PCDHA1: variants seen among roughly 807,000 people sequenced by gnomAD.
PCDHA1 encodes the protein protocadherin alpha-1.
A neutral mutation model predicts 61.3 loss-of-function variants in PCDHA1; 42 were observed. The ratio of observed to expected loss-of-function variants is 0.69; its 90% CI spans 0.54 to 0.89. The LOEUF is 0.89. PCDHA1 is among the 40% of genes least tolerant of loss of function. PCDHA1 has a pLI of 0.00. For synonymous variants in PCDHA1, 610 were observed against 553.8 expected (o/e 1.10, Z -1.43); for missense variants, 1,256 against 1,235.3 (o/e 1.02, Z -0.25).
At chr5:140,879,047 A>G (rs931436432) in intron 1 of PCDHA1, among the ~76,000 whole-genome samples, 1 of 152,238 alleles carries the variant, frequency 6.6e-6, no homozygotes, top group African/African-American at 2.4e-5. Flanking sequence ...AAAGATAGAC[A>G]ACATTTTACC....
chr5:140,921,151 ATTT>A (rs11299094), intron 1 of PCDHA1, among the ~76,000 whole-genome samples: 3 of 151,512 alleles, frequency 2.0e-5, no homozygotes, highest in South Asian at 2.1e-4. Context: ...CAGCTAATGC[ATTT>A]TTTTTTTAAC....
At chr5:140,868,907 A>T in intron 1 of PCDHA1, 1 of 869,128 alleles carries the variant, frequency 1.2e-6, no homozygotes, top group Non-Finnish European at 1.7e-6. Flanking sequence ...GTCGCTCTTT[A>T]CTTGGTGGAA....
intron 1 of PCDHA1, among the ~76,000 whole-genome samples, chr5:140,798,240 C>A (rs1762307159): frequency 6.6e-6 from 1 of 152,102 alleles, no homozygotes; most frequent in Non-Finnish European, 1.5e-5. Context: ...GTATGTAGCA[C>A]AGGTTGTTAC....
Position 141,000,421 on chromosome 5 carries a change from A to ATTTT in PCDHA1, c.2543-9186_2543-9183dup, listed in dbSNP as rs34755515. ...TATATATATATATATATATATATAT[A>ATTTT]TTTTTTTTTTTTTTTTTTTTTTTGA... On this transcript the variant is annotated intron_variant, in intron 3 of 3. Transcript: ENST00000504120. Among the ~76,000 whole-genome samples the ATTTT allele has an allele frequency of 6.1e-3, 170 of 27,980 alleles. 16 individuals carry two copies. The highest frequency in any genetic ancestry group is 7.4e-3 in the Non-Finnish European group (131 of 17,660). The allele number at this position is 27,980 out of a possible 152,430, so 18.4% of individuals were successfully genotyped here.
intron 3 of PCDHA1, among the ~76,000 whole-genome samples, chr5:140,987,478 T>A (rs2097255782): frequency 6.6e-6 from 1 of 152,104 alleles, no homozygotes. Flanking sequence ...AGCTTGGGAG[T>A]CAGTGACCCT....
chr5:140,791,931 G>T (rs570426593), intron 1 of PCDHA1, among the ~76,000 whole-genome samples: 1 of 152,144 alleles, frequency 6.6e-6, no homozygotes, highest in African/African-American at 2.4e-5. Context: ...ATAGATAGGT[G>T]CAAAGGGTAT....
rs199928168 is a variant in PCDHA1, at chr5:141,009,915, C to T, written c.2831C>T (p.Thr944Met). The part of the protein sequence containing the change: ...TQEKKEKGNS[T>M]TDNSDQ The stretch of plus-strand genomic sequence containing the variant: ...GAGAAAAAAGAGAAAGGGAACAGCA[C>T]GACTGACAACAGTGACCAGTGAGGT... The change falls in exon 4 of 4, where the codon ACG becomes ATG. Residue 944 changes from threonine to methionine, a missense_variant. Physicochemically the swap from Thr to Met is moderately conservative, Grantham distance 81. Coordinates refer to ENST00000504120, the MANE Select transcript of PCDHA1 (RefSeq NM_018900.4). The T allele has an allele frequency of 9.0e-4, 1,448 of 1,611,544 alleles. 2 individuals carry two copies. Among genetic ancestry groups the T allele is most frequent in the Admixed American group, 3.7e-3 (222 of 59,324 alleles).
At chr5:140,893,050 A>G (rs967159859) in intron 1 of PCDHA1, among the ~76,000 whole-genome samples, 1 of 152,248 alleles carries the variant, frequency 6.6e-6, no homozygotes, top group Non-Finnish European at 1.5e-5. Context: ...CTCCAGGCTC[A>G]GCCATACTGC....
chr5:140,934,612 T>G (rs2089946859), intron 1 of PCDHA1, among the ~76,000 whole-genome samples: 1 of 152,184 alleles, frequency 6.6e-6, no homozygotes, highest in South Asian at 2.1e-4. Flanking sequence ...TTGATTAGCC[T>G]GAGGTACAGT....
At position 140,829,585 on chromosome 5, in the gene PCDHA1, G is replaced by A. The variant is rs2150170592; in HGVS notation, c.2394+40901G>A. On this transcript the variant is annotated intron_variant, in intron 1 of 3. Transcript: ENST00000504120. ...TGTCCTACTCGCTGGTGGAGCGGCG[G>A]GTGGGCGAGCGCGCGTTGTCGAGCT... 3.9e-3 allele frequency: 6,235 copies of A among 1,612,244 alleles called. 24 individuals are homozygous for A. The highest frequency in any genetic ancestry group is 4.7e-3 in the Non-Finnish European group (5,594 of 1,179,798).
At chr5:140,941,210 T>TCTTC (rs1480454721) in intron 1 of PCDHA1, among the ~76,000 whole-genome samples, 3 of 100,630 alleles carry the variant, frequency 3.0e-5, no homozygotes, top group Non-Finnish European at 5.7e-5. Context: ...TTCCTTTCTT[T>TCTTC]CTTCCTTTCT....
chr5:140,834,426 C>A (rs2150217585), intron 1 of PCDHA1: 9 of 1,613,556 alleles, frequency 5.6e-6, no homozygotes, highest in Non-Finnish European at 7.6e-6. Context: ...CCGACATCTA[C>A]TGCTGTTTAT....
intron 1 of PCDHA1, chr5:140,871,048 C>T (rs1472650820): frequency 6.2e-7 from 1 of 1,613,348 alleles, no homozygotes; most frequent in Non-Finnish European, 8.5e-7. Context: ...ACTTCTAGTA[C>T]TGGTGAAGGA....
At position 140,850,562 on chromosome 5, in the gene PCDHA1, C is replaced by G. The variant is rs2150489447; in HGVS notation, c.2394+61878C>G. On this transcript the variant is annotated intron_variant, in intron 1 of 3. Transcript: ENST00000504120. Reference sequence around the variant, plus strand: ...GGGCGTCAGTGGGTGCCACGGGCCCCGAGGTGACGCTGGTGGATGTCAACG... The same window carrying G: ...GGGCGTCAGTGGGTGCCACGGGCCCGGAGGTGACGCTGGTGGATGTCAACG... 18 of 1,598,196 alleles carry G rather than the reference C, an allele frequency of 1.1e-5. 1 individual carries two copies. Among genetic ancestry groups the G allele is most frequent in the Admixed American group, 8.4e-5 (5 of 59,298 alleles).
At chr5:141,005,556 G>T (rs62384513) in intron 3 of PCDHA1, among the ~76,000 whole-genome samples, 1 of 151,476 alleles carries the variant, frequency 6.6e-6, no homozygotes, top group South Asian at 2.1e-4. Flanking sequence ...ACAAAAATTA[G>T]CCGGGCATGG....
chr5:140,802,152 C>G (rs781836341), intron 1 of PCDHA1: 3 of 1,614,158 alleles, frequency 1.9e-6, no homozygotes, highest in Non-Finnish European at 2.5e-6. Flanking sequence ...ATATGAAATC[C>G]AGGTAGAAGC....
rs1353542973 is a variant in PCDHA1 at position 140,828,575 on chromosome 5, G to T, written c.2394+39891G>T. On this transcript the variant is annotated intron_variant, in intron 1 of 3. Coordinates refer to ENST00000504120, the MANE Select transcript of PCDHA1 (RefSeq NM_018900.4). ...ACTGGAGGGCGCGTCCGATGCAGAT[G>T]TTGGCTCAAATTCCATCTTAACCTA... 1.2e-6 allele frequency: 2 copies of T among 1,614,260 alleles called. No homozygotes were observed. The highest frequency in any genetic ancestry group is 1.7e-6 in the Non-Finnish European group (2 of 1,180,044).
chr5:140,911,480 G>A (rs2075504387), intron 1 of PCDHA1, among the ~76,000 whole-genome samples: 1 of 152,142 alleles, frequency 6.6e-6, no homozygotes, highest in African/African-American at 2.4e-5. Flanking sequence ...CTCTCACTCA[G>A]GGCAATCTTA....
intron 1 of PCDHA1, among the ~76,000 whole-genome samples, chr5:140,963,002 A>G (rs921334790): frequency 7.2e-5 from 11 of 152,242 alleles, no homozygotes; most frequent in African/African-American, 2.2e-4. Flanking sequence ...TACTAAAAAT[A>G]AGATCTGAAG....
Sources: allele counts gnomAD v4.1 joint callset (sites outside exome capture counted in the v4.1 genomes callset), GRCh38; gene constraint gnomAD v4.1.1; transcripts MANE v1.5; gene names NCBI Gene and HGNC (gene_info 2026-07-23, HGNC 2026-07-21).